MMP16: variants seen among roughly 807,000 people sequenced by gnomAD.
The protein encoded by MMP16 is matrix metallopeptidase 16.
In MMP16, 12 loss-of-function variants were observed where a neutral mutation model predicts 67.8. That is an observed-to-expected ratio of 0.18 (90% CI 0.11 to 0.29). MMP16 has a LOEUF of 0.29. Among genes scored for constraint, MMP16 ranks in the 10% least tolerant of loss-of-function variants. The probability of loss-of-function intolerance (pLI) is 1.00; values close to 1 mark genes in which losing one functional copy is unlikely to be tolerated. For missense variants in MMP16, 475 were observed against 765.7 expected, an observed-to-expected ratio of 0.62 and a Z score of 4.48; for synonymous variants, 249 against 255.9, an observed-to-expected ratio of 0.97 and a Z score of 0.26.
At chr8:88,212,187 G>A (rs1037768947) in intron 1 of MMP16, among the ~76,000 whole-genome samples, 1 of 152,162 alleles carries the variant, frequency 6.6e-6, no homozygotes, top group African/African-American at 2.4e-5. Flanking sequence ...TCATGTGAGA[G>A]GTAATGGTGT....
At chr8:88,220,293 T>A (rs1451015303) in intron 1 of MMP16, among the ~76,000 whole-genome samples, 2 of 152,178 alleles carry the variant, frequency 1.3e-5, no homozygotes, top group African/African-American at 2.4e-5. Flanking sequence ...TTGTGTGTGT[T>A]TTGTTATGAC....
chr8:88,188,718 G>A (rs1439882969), intron 2 of MMP16, among the ~76,000 whole-genome samples: 8 of 150,614 alleles, frequency 5.3e-5, no homozygotes, highest in South Asian at 2.1e-4. Flanking sequence ...GCAATGGCAC[G>A]ATCTCGGCTT....
intron 1 of MMP16, among the ~76,000 whole-genome samples, chr8:88,297,867 TC>T (rs1811036674): frequency 6.6e-6 from 1 of 152,216 alleles, no homozygotes; most frequent in Non-Finnish European, 1.5e-5. Flanking sequence ...TAGCACAATG[TC>T]TGGCACATTT....
chr8:88,087,343 C>T (rs1248150617), intron 6 of MMP16, among the ~76,000 whole-genome samples: 1 of 151,844 alleles, frequency 6.6e-6, no homozygotes, highest in Non-Finnish European at 1.5e-5. Context: ...TTAAACTATG[C>T]CTCCTATTCC....
chr8:88,304,762 T>C (rs1811187668), intron 1 of MMP16, among the ~76,000 whole-genome samples: 1 of 152,156 alleles, frequency 6.6e-6, no homozygotes, highest in African/African-American at 2.4e-5. Flanking sequence ...GAATTCATCA[T>C]CATGAGGCCT....
chr8:88,188,264 T>C (rs561247038), intron 2 of MMP16, among the ~76,000 whole-genome samples: 1 of 152,320 alleles, frequency 6.6e-6, no homozygotes, highest in East Asian at 1.9e-4. Context: ...CTTTTATATA[T>C]GGGTATTAAT....
At position 88,257,553 on chromosome 8, in the gene MMP16, A is replaced by G. The variant is rs191413228; in HGVS notation, c.133-60247T>C. On this transcript the variant is annotated intron_variant, in intron 1 of 9. Coordinates refer to ENST00000286614, the MANE Select transcript of MMP16 (RefSeq NM_005941.5). ...TTTCTAGATAGATTAATGCCCTCTA[A>G]GGGACCTACCATTTATGGGGCTTAA... Among the ~76,000 whole-genome samples the G allele has an allele frequency of 7.6e-3, 1,156 of 152,340 alleles. 17 individuals are homozygous for G. Among genetic ancestry groups the G allele is most frequent in the Non-Finnish European group, 0.012 (794 of 68,024 alleles).
At position 88,038,727 on chromosome 8, in the gene MMP16, A is replaced by T. The variant is rs551169031; in HGVS notation, c.*2734T>A. Reference sequence around the variant, plus strand: ...ATGTATATAGTCCTCCATGCTTAGCAGCAGTGACTAACTCTTTATAATATC... The same window carrying T: ...ATGTATATAGTCCTCCATGCTTAGCTGCAGTGACTAACTCTTTATAATATC... On this transcript the variant is annotated 3_prime_UTR_variant, in exon 10 of 10. Transcript: ENST00000286614. This position sits in a 1 kb window ranked among gnomAD's most constrained non-coding sequence, Gnocchi z 4.1. 1 of 152,622 alleles carries T rather than the reference A, an allele frequency of 6.6e-6. No homozygotes were observed. The allele number at this position is 152,622 out of a possible 1,614,324, so 9.5% of individuals were successfully genotyped here.
At chr8:88,219,099 A>G (rs1029355551) in intron 1 of MMP16, among the ~76,000 whole-genome samples, 2 of 152,126 alleles carry the variant, frequency 1.3e-5, no homozygotes, top group African/African-American at 4.8e-5. Context: ...TGATGACTGA[A>G]AAAGGTATAT....
At chr8:88,197,680 T>C (rs28907571) in intron 1 of MMP16, among the ~76,000 whole-genome samples, 2,205 of 152,258 alleles carry the variant, frequency 0.014, 45 homozygotes, top group African/African-American at 0.051. Flanking sequence ...ATGACTCTAT[T>C]GAGATGTTTA....
At chr8:88,300,608 A>G (rs553319952) in intron 1 of MMP16, among the ~76,000 whole-genome samples, 5 of 152,244 alleles carry the variant, frequency 3.3e-5, no homozygotes, top group African/African-American at 1.2e-4. Context: ...TTAATCTTTC[A>G]TTGTGCATAT....
intron 1 of MMP16, among the ~76,000 whole-genome samples, chr8:88,220,685 G>A (rs1809668201): frequency 6.6e-6 from 1 of 152,108 alleles, no homozygotes; most frequent in Non-Finnish European, 1.5e-5. Flanking sequence ...GAGGATGAAA[G>A]AAAAGTGTTA....
rs373816973 is a variant in MMP16, at chr8:88,071,833, A to G, written c.1222+2772T>C. Among the ~76,000 whole-genome samples, 9 of 152,298 alleles carry G rather than the reference A, an allele frequency of 5.9e-5. 1 individual carries two copies. The South Asian group carries it at 6.2e-4, about 11-fold the overall frequency. On this transcript the variant is annotated intron_variant, in intron 7 of 9. Coordinates refer to ENST00000286614, the MANE Select transcript of MMP16 (RefSeq NM_005941.5). ...TACATTTTTAAAGTTAGAACACAAC[A>G]CACACAAAAAACAAAGAAAGGTATA...
At chr8:88,247,046 C>T (rs534037761) in intron 1 of MMP16, among the ~76,000 whole-genome samples, 16 of 152,142 alleles carry the variant, frequency 1.1e-4, no homozygotes, top group African/African-American at 3.4e-4. Flanking sequence ...TTCCAAAGAC[C>T]TTAGGAAATA....
chr8:88,169,264 T>C (rs188388758), intron 3 of MMP16, among the ~76,000 whole-genome samples: 192 of 152,324 alleles, frequency 1.3e-3, no homozygotes, highest in Middle Eastern at 6.8e-3. Flanking sequence ...ATTATATTTT[T>C]AACCTGATTC....
At chr8:88,191,159 A>G (rs1181474295) in intron 2 of MMP16, among the ~76,000 whole-genome samples, 2 of 152,194 alleles carry the variant, frequency 1.3e-5, no homozygotes, top group Admixed American at 1.3e-4. Context: ...AAAAAAATCT[A>G]AATCAGTGCT....
At chr8:88,292,194 A>G (rs992913959) in intron 1 of MMP16, among the ~76,000 whole-genome samples, 2 of 152,270 alleles carry the variant, frequency 1.3e-5, no homozygotes, top group Non-Finnish European at 2.9e-5. Flanking sequence ...ACAAAATTAT[A>G]TTTTAAAATT....
chr8:88,223,048 C>T (rs1330708794), intron 1 of MMP16, among the ~76,000 whole-genome samples: 1 of 152,126 alleles, frequency 6.6e-6, no homozygotes, highest in Non-Finnish European at 1.5e-5. Context: ...TATGAACAGA[C>T]ACTTCTCAAA....
At chr8:88,281,580 G>A (rs1488809783) in intron 1 of MMP16, among the ~76,000 whole-genome samples, 1 of 152,206 alleles carries the variant, frequency 6.6e-6, no homozygotes, top group Admixed American at 6.5e-5. Flanking sequence ...GGTCTTTCCA[G>A]TCAGCAAGCT....
Sources: allele counts gnomAD v4.1 joint callset (sites outside exome capture counted in the v4.1 genomes callset), GRCh38; gene constraint gnomAD v4.1.1; non-coding constraint Gnocchi (gnomAD v3.1); transcripts MANE v1.5; gene names NCBI Gene and HGNC (gene_info 2026-07-23, HGNC 2026-07-21).